Variants in SDK1 observed in about 807,000 individuals in gnomAD.
The protein encoded by SDK1 is protein sidekick-1.
In SDK1, 157 loss-of-function variants were observed where a neutral mutation model predicts 245.5. That is an observed-to-expected ratio of 0.64 (90% CI 0.56 to 0.73). The LOEUF is 0.73. Among genes scored for constraint, SDK1 ranks in the 30% least tolerant of loss-of-function variants. SDK1 has a pLI of 0.00. For synonymous variants in SDK1, 1,647 were observed against 1,278.5 expected (o/e 1.29, Z -6.15); for missense variants, 3,583 against 3,002.3 (o/e 1.19, Z -4.52).
intron 4 of SDK1, among the ~76,000 whole-genome samples, chr7:3,807,814 A>T (rs944914001): frequency 6.6e-6 from 1 of 152,030 alleles, no homozygotes; most frequent in African/African-American, 2.4e-5. Context: ...AAATTATTTG[A>T]CCTCTGGTAG....
At chr7:4,145,951 G>A (rs1259928505) in intron 29 of SDK1, 35 bp downstream of exon 29, 2 of 1,557,562 alleles carry the variant, frequency 1.3e-6, no homozygotes, top group African/African-American at 1.4e-5. Flanking sequence ...TACTGCAGAT[G>A]TTGTGGGCAC....
chr7:3,568,419 A>G (rs141843495), intron 1 of SDK1, among the ~76,000 whole-genome samples: 3 of 152,174 alleles, frequency 2.0e-5, no homozygotes, highest in Non-Finnish European at 2.9e-5. Flanking sequence ...TGGTATATGT[A>G]TATTTTTTTC....
chr7:4,011,962 T>A (rs375007245), intron 15 of SDK1, 133 bp from the exon 16 acceptor site: 37 of 623,240 alleles, frequency 5.9e-5, no homozygotes, highest in African/African-American at 5.3e-4. Context: ...ATTGGCTGTG[T>A]GTTTTGCTTT....
chr7:3,942,175 G>C (rs1226288501), intron 5 of SDK1, among the ~76,000 whole-genome samples: 2 of 152,162 alleles, frequency 1.3e-5, no homozygotes, highest in Non-Finnish European at 2.9e-5. Flanking sequence ...CAAAGTGCTG[G>C]GATTACAGGC....
intron 28 of SDK1, among the ~76,000 whole-genome samples, chr7:4,133,595 G>A (rs1023872949): frequency 5.9e-5 from 9 of 152,184 alleles, no homozygotes; most frequent in African/African-American, 2.2e-4. Flanking sequence ...AAGGGAAGGG[G>A]GCTGTCCACT....
At chr7:3,672,340 C>A (rs1376511474) in intron 4 of SDK1, among the ~76,000 whole-genome samples, 1 of 151,810 alleles carries the variant, frequency 6.6e-6, no homozygotes, top group South Asian at 2.1e-4. Flanking sequence ...TACTGCACCC[C>A]CAAGTTCTTG....
chr7:4,169,655 A>G (rs1275159887), intron 32 of SDK1, among the ~76,000 whole-genome samples: 1 of 152,190 alleles, frequency 6.6e-6, no homozygotes, highest in East Asian at 1.9e-4. Context: ...AGGCTGGAAT[A>G]TATTCCCCAA....
intron 1 of SDK1, among the ~76,000 whole-genome samples, chr7:3,536,371 C>T (rs190764427): frequency 7.2e-5 from 11 of 152,112 alleles, no homozygotes; most frequent in Non-Finnish European, 1.6e-4. Context: ...CGGCCACTAG[C>T]AGAATAATTT....
intron 1 of SDK1, among the ~76,000 whole-genome samples, chr7:3,479,357 G>T (rs1781439543): frequency 6.8e-6 from 1 of 147,082 alleles, no homozygotes; most frequent in South Asian, 2.2e-4. Context: ...GGGAGGTAGA[G>T]GTTGCAGTGA....
chr7:4,232,318 C>T (rs193059966), intron 40 of SDK1, among the ~76,000 whole-genome samples: 3 of 150,766 alleles, frequency 2.0e-5, no homozygotes, highest in Admixed American at 6.6e-5. Flanking sequence ...CAGGCTCCAG[C>T]ACCCCTTTCA....
chr7:3,920,737 A>C lies in SDK1; in HGVS notation c.848-30186A>C, dbSNP rs557855392. On this transcript the variant is annotated intron_variant, in intron 5 of 44. Coordinates refer to ENST00000404826, the MANE Select transcript of SDK1 (RefSeq NM_152744.4). ...GGCCTCAGATAAGATGACCCAGGGT[A>C]AAGGGAGACTATGCAGAGGGGGAGC... is the stretch of plus-strand genomic sequence containing the variant. Among the ~76,000 whole-genome samples, 10 of 151,234 alleles carry C rather than the reference A, an allele frequency of 6.6e-5. 1 individual carries two copies. Among genetic ancestry groups the C allele is most frequent in the African/African-American group, 2.5e-4 (10 of 40,510 alleles).
At chr7:3,963,296 A>T (rs1450384361) in intron 9 of SDK1, among the ~76,000 whole-genome samples, 2 of 61,898 alleles carry the variant, frequency 3.2e-5, no homozygotes. Flanking sequence ...CAGCTACCTG[A>T]CCTGGACGTA....
chr7:3,406,963 A>C (rs1407796677), intron 1 of SDK1, among the ~76,000 whole-genome samples: 1 of 138,610 alleles, frequency 7.2e-6, no homozygotes, highest in Non-Finnish European at 1.5e-5. Flanking sequence ...CTCTTTGTAG[A>C]CAAGATTGAA....
rs578159122 is a variant in SDK1 at position 3,540,777 on chromosome 7, A to G, written c.299-78303A>G. ...TGGCAAGAAAAGAGTCCAAGATCAT[A>G]TAAATTTTTATGTTGAAAGCCATCA... On this transcript the variant is annotated intron_variant, in intron 1 of 44. Coordinates refer to ENST00000404826, the MANE Select transcript of SDK1 (RefSeq NM_152744.4). Among the ~76,000 whole-genome samples the G allele has an allele frequency of 7.0e-4, 106 of 152,358 alleles. 1 individual carries two copies. Among genetic ancestry groups the G allele is most frequent in the African/African-American group, 2.4e-3 (100 of 41,594 alleles).
intron 4 of SDK1, among the ~76,000 whole-genome samples, chr7:3,807,312 A>C (rs894008791): frequency 6.6e-6 from 1 of 152,158 alleles, no homozygotes; most frequent in Non-Finnish European, 1.5e-5. Context: ...TCAGGATAGG[A>C]AGGGGAAGTG....
intron 1 of SDK1, among the ~76,000 whole-genome samples, chr7:3,436,358 T>A (rs1265118752): frequency 6.6e-6 from 1 of 152,172 alleles, no homozygotes; most frequent in African/African-American, 2.4e-5. Context: ...TCATTGAACT[T>A]AAGCTTGTAT....
At chr7:4,233,212 C>T (rs1421052112) in intron 40 of SDK1, 43 bp from the exon 41 acceptor site, 21 of 1,581,672 alleles carry the variant, frequency 1.3e-5, no homozygotes, top group South Asian at 2.2e-5. Flanking sequence ...TCTGGGACTT[C>T]GCACTTCTAA....
chr7:4,108,053 T>C (rs975235879), intron 22 of SDK1, among the ~76,000 whole-genome samples: 2 of 152,206 alleles, frequency 1.3e-5, no homozygotes, highest in South Asian at 2.1e-4. Context: ...CACTAGACAC[T>C]GTGCCGGGGC....
chr7:3,518,384 A>G (rs749719253), intron 1 of SDK1, among the ~76,000 whole-genome samples: 18 of 152,266 alleles, frequency 1.2e-4, no homozygotes, highest in Non-Finnish European at 2.6e-4. Context: ...AGGAAACAAC[A>G]GAATGAAAAG....
Sources: allele counts gnomAD v4.1 joint callset (sites outside exome capture counted in the v4.1 genomes callset), GRCh38; gene constraint gnomAD v4.1.1; transcripts MANE v1.5; gene names NCBI Gene and HGNC (gene_info 2026-07-23, HGNC 2026-07-21).